QRSL1: variants seen among roughly 807,000 people sequenced by gnomAD.
The protein encoded by QRSL1 is glutaminyl-tRNA amidotransferase subunit QRSL1.
In QRSL1, 54 loss-of-function variants were observed where a neutral mutation model predicts 61.6. That is an observed-to-expected ratio of 0.88 (90% CI 0.70 to 1.10). The LOEUF (loss-of-function observed/expected upper bound fraction) is 1.10. Among genes scored for constraint, QRSL1 ranks in the 50% least tolerant of loss-of-function variants. The pLI is 0.00. For missense variants in QRSL1, 505 were observed against 622.6 expected (o/e 0.81, Z 2.01); for synonymous variants, 228 against 225.7 (o/e 1.01, Z -0.09).
chr6:106,634,502 C>T (rs935278005), intron 1 of QRSL1, among the ~76,000 whole-genome samples: 4 of 152,230 alleles, frequency 2.6e-5, no homozygotes, highest in South Asian at 2.1e-4. Flanking sequence ...TGCAATGGCT[C>T]ACGCCTTTAA....
intron 9 of QRSL1, 25 bp downstream of exon 9, chr6:106,655,757 T>C (rs1777259780): frequency 6.9e-7 from 1 of 1,446,784 alleles, no homozygotes. Context: ...TTAGGAATTT[T>C]CTTCATTCTT....
chr6:106,633,143 G>C (rs1338190582), intron 1 of QRSL1, among the ~76,000 whole-genome samples: 1 of 152,208 alleles, frequency 6.6e-6, no homozygotes, highest in Admixed American at 6.5e-5. Context: ...GCCTTGGCAT[G>C]ATTGCTTTTA....
intron 10 of QRSL1, among the ~76,000 whole-genome samples, 187 bp from the exon 11 acceptor site, chr6:106,665,595 C>T (rs1777418405): frequency 6.6e-6 from 1 of 152,130 alleles, no homozygotes; most frequent in Non-Finnish European, 1.5e-5. Context: ...TGAACTGATA[C>T]AGAATGATTT....
In QRSL1 at chr6:106,652,267, G is replaced by C; in HGVS notation, c.616G>C (p.Val206Leu). 1 of 1,614,178 alleles carries C rather than the reference G, an allele frequency of 6.2e-7. No homozygotes were observed. The highest frequency in any genetic ancestry group is 8.5e-7 in the Non-Finnish European group (1 of 1,180,002). Residue 206 changes from valine to leucine, a missense_variant, in exon 6 of 11, where the codon GTT becomes CTT. Physicochemically the swap from Val to Leu is conservative, Grantham distance 32 (BLOSUM62 1). Transcript: ENST00000369046. ...AAATCCTGCTGCCCACTGTGGGCTT[G>C]TTGGTTTCAAACCAAGCTATGGCTT... The part of the protein sequence containing the change: ...TRNPAAHCGL[V>L]GFKPSYGLVS...
intron 1 of QRSL1, among the ~76,000 whole-genome samples, chr6:106,638,447 G>C (rs1477434087): frequency 6.6e-6 from 1 of 152,152 alleles, no homozygotes. Context: ...TGGGATTACA[G>C]GCATGCACCA....
chr6:106,649,486 A>C (rs1777163271), intron 5 of QRSL1, among the ~76,000 whole-genome samples: 1 of 152,226 alleles, frequency 6.6e-6, no homozygotes, highest in Non-Finnish European at 1.5e-5. Flanking sequence ...AACATAAATG[A>C]ACTTCATTGC....
Position 106,666,309 on chromosome 6 carries a change from T to C in QRSL1, c.*307T>C, listed in dbSNP as rs992533056. 1 of 300,018 alleles carries C rather than the reference T, an allele frequency of 3.3e-6. No homozygotes were observed. Among genetic ancestry groups the C allele is most frequent in the Non-Finnish European group, 6.3e-6 (1 of 158,792 alleles). 18.6% of individuals were successfully genotyped at this position (300,018 alleles called of 1,614,324 possible). On this transcript the variant is annotated 3_prime_UTR_variant, in exon 11 of 11. Transcript: ENST00000369046. ...TCCAGCCTGGGTGACAAAGCAAGAC[T>C]GTGTCTCAAAATAAATAAATAAAAT...
intron 7 of QRSL1, among the ~76,000 whole-genome samples, chr6:106,654,524 T>C (rs1392245237): frequency 2.6e-5 from 4 of 152,224 alleles, no homozygotes; most frequent in Non-Finnish European, 5.9e-5. Context: ...TCATAATATC[T>C]AGTACTGTGC....
At chr6:106,661,360 C>T (rs1046083147) in intron 9 of QRSL1, among the ~76,000 whole-genome samples, 7 of 152,192 alleles carry the variant, frequency 4.6e-5, no homozygotes, top group African/African-American at 9.6e-5. Context: ...TGTGATCCGA[C>T]GCCTCGGCCT....
intron 4 of QRSL1, among the ~76,000 whole-genome samples, chr6:106,645,959 G>A (rs1458610176): frequency 6.6e-6 from 1 of 152,156 alleles, no homozygotes; most frequent in Non-Finnish European, 1.5e-5. Flanking sequence ...ACCAGTGAGG[G>A]CCTTAGGTGC....
At chr6:106,644,601 A>G (rs1402782739) in intron 4 of QRSL1, among the ~76,000 whole-genome samples, 1 of 151,328 alleles carries the variant, frequency 6.6e-6, no homozygotes, top group Non-Finnish European at 1.5e-5. Flanking sequence ...GCTCACTACA[A>G]CCTCCGCCTC....
At chr6:106,642,873 C>A in intron 3 of QRSL1, 121 bp from the exon 4 acceptor site, 1 of 813,990 alleles carries the variant, frequency 1.2e-6, no homozygotes, top group South Asian at 1.4e-5. Flanking sequence ...TGTGTGAGAA[C>A]CAATGGGAAG....
chr6:106,649,063 A>C lies in QRSL1; in HGVS notation c.419A>C (p.Asn140Thr). The C allele has an allele frequency of 6.2e-7, 1 of 1,612,492 alleles. No individual in the cohort carries two copies. The highest frequency in any genetic ancestry group is 1.1e-5 in the South Asian group (1 of 90,762). ...STDGVFGPVK[N>T]PWSYSKQYRE... ...GATGGTGTATTTGGACCAGTTAAAA[A>C]CCCCTGGAGTTATTCAAAACAATAT... Residue 140 changes from asparagine (N) to threonine (T), a missense_variant, in exon 5 of 11, where the codon AAC becomes ACC. Asn to Thr is a moderately conservative substitution (Grantham distance 65, BLOSUM62 0). Transcript: ENST00000369046.
At chr6:106,652,796 A>G in intron 7 of QRSL1, 1 of 1,454,980 alleles carries the variant, frequency 6.9e-7, no homozygotes, top group South Asian at 1.4e-5. Flanking sequence ...TGTGAGGATC[A>G]ATTAGACAGT....
intron 1 of QRSL1, among the ~76,000 whole-genome samples, chr6:106,639,840 C>T (rs919576889): frequency 2.6e-4 from 39 of 152,050 alleles, no homozygotes; most frequent in African/African-American, 7.2e-4. Context: ...CCTTTGAACC[C>T]GTATTTTATA....
chr6:106,659,631 T>G (rs1777325158), intron 9 of QRSL1, among the ~76,000 whole-genome samples: 1 of 152,220 alleles, frequency 6.6e-6, no homozygotes, highest in South Asian at 2.1e-4. Flanking sequence ...ACATTGTCAT[T>G]TGCTAGACTT....
chr6:106,646,648 T>TA (rs144532152), intron 4 of QRSL1, among the ~76,000 whole-genome samples: 26,149 of 150,812 alleles, frequency 0.17, 2,594 homozygotes, highest in East Asian at 0.29. Flanking sequence ...AAAAAAAAAT[T>TA]AAAAAAAACA....
chr6:106,644,388 C>T (rs1037424767), intron 4 of QRSL1, among the ~76,000 whole-genome samples: 1 of 152,174 alleles, frequency 6.6e-6, no homozygotes, highest in Non-Finnish European at 1.5e-5. Context: ...GAACTCCTGG[C>T]ATCAAGTGAT....
At chr6:106,643,193 A>C (rs1777049804) in intron 4 of QRSL1, 103 bp downstream of exon 4, 9 of 772,512 alleles carry the variant, frequency 1.2e-5, no homozygotes, top group Middle Eastern at 2.6e-4. Flanking sequence ...CCAGTTTCTT[A>C]GTCCCTCTGT....
Sources: gnomAD v4.1 joint callset for allele counts (sites outside exome capture counted in the v4.1 genomes callset) on GRCh38, gnomAD v4.1.1 for gene constraint, MANE v1.5 for transcripts, NCBI Gene and HGNC (gene_info 2026-07-23, HGNC 2026-07-21) for gene names.